Variants in DSG4 observed in about 807,000 individuals in gnomAD.
The protein encoded by DSG4 is desmoglein-4.
Under a neutral mutation model 93.1 loss-of-function variants are expected in DSG4, and 87 were observed. The observed-to-expected ratio is 0.93, with a 90% CI of 0.79 to 1.12. The LOEUF is 1.12. Ranked by LOEUF, DSG4 falls within the 50% of genes most tolerant of loss-of-function variation. DSG4 has a pLI of 0.00. For synonymous variants in DSG4, 432 were observed against 452.9 expected (o/e 0.95, Z 0.59); for missense variants, 1,373 against 1,285.7 (o/e 1.07, Z -1.04).
At chr18:31,405,985 T>A in intron 11 of DSG4, 92 bp from the exon 12 acceptor site, 1 of 1,447,706 alleles carries the variant, frequency 6.9e-7, no homozygotes, top group Non-Finnish European at 9.6e-7. Context: ...TCTAGTGTTT[T>A]AAGTCAATAT....
intron 7 of DSG4, among the ~76,000 whole-genome samples, chr18:31,391,676 AAAAAAACAAAAC>A (rs558774500): frequency 0.013 from 1,986 of 151,890 alleles, 51 homozygotes; most frequent in African/African-American, 0.046. Flanking sequence ...AAAAAAAAAC[AAAAAAACAAAAC>A]AAAAAACGTG....
At chr18:31,401,370 A>G (rs1483136459) in intron 10 of DSG4, among the ~76,000 whole-genome samples, 2 of 152,198 alleles carry the variant, frequency 1.3e-5, no homozygotes, top group South Asian at 2.1e-4. Context: ...CGTGCTCTAC[A>G]AAGTTCATTT....
intron 12 of DSG4, 85 bp from the exon 13 acceptor site, chr18:31,409,367 C>T: frequency 2.5e-6 from 4 of 1,601,374 alleles, no homozygotes; most frequent in Admixed American, 1.7e-5. Flanking sequence ...TATACTGCCA[C>T]CAAATGCTCC....
intron 3 of DSG4, among the ~76,000 whole-genome samples, chr18:31,387,962 C>T (rs973514908): frequency 5.9e-5 from 9 of 152,198 alleles, no homozygotes; most frequent in African/African-American, 2.2e-4. Context: ...ACCATTTTGA[C>T]TAAATCTCAG....
chr18:31,410,682 T>C (rs1388609278), intron 14 of DSG4, among the ~76,000 whole-genome samples: 1 of 152,188 alleles, frequency 6.6e-6, no homozygotes, highest in Non-Finnish European at 1.5e-5. Flanking sequence ...CTTAGCTATA[T>C]GGCAATGATT....
chr18:31,396,302 A>G (rs1054971785), intron 8 of DSG4, among the ~76,000 whole-genome samples: 6 of 150,806 alleles, frequency 4.0e-5, no homozygotes, highest in Non-Finnish European at 4.4e-5. Flanking sequence ...GAGGGTTCAC[A>G]TATATTATCT....
chr18:31,396,505 C>T (rs766962421), intron 8 of DSG4, among the ~76,000 whole-genome samples: 1 of 151,862 alleles, frequency 6.6e-6, no homozygotes, highest in Non-Finnish European at 1.5e-5. Flanking sequence ...CAGGCATGCG[C>T]CACCACACCC....
rs2144173577 is a variant in DSG4 at position 31,388,541 on chromosome 18, T to C, written c.372+19T>C. The C allele has an allele frequency of 1.7e-5, 28 of 1,612,832 alleles. No individual in the cohort carries two copies. Among genetic ancestry groups the C allele is most frequent in the Non-Finnish European group, 2.3e-5 (27 of 1,179,198 alleles). On this transcript the variant is annotated intron_variant, in intron 4 of 15. Transcript: ENST00000308128. ...TTTCTTGGTAAGTCATAGCCATATGTTTTGATTTGTTCATATTAGTTTTCT... is the reference window on the plus strand; with the variant it reads ...TTTCTTGGTAAGTCATAGCCATATGCTTTGATTTGTTCATATTAGTTTTCT...
At chr18:31,380,362 A>G (rs1401007738) in intron 1 of DSG4, among the ~76,000 whole-genome samples, 6 of 152,168 alleles carry the variant, frequency 3.9e-5, no homozygotes, top group Admixed American at 3.9e-4. Context: ...GGAGTTCCGT[A>G]TAGAGCAATG....
At chr18:31,401,433 C>A (rs2072364886) in intron 10 of DSG4, 1 of 155,492 alleles carries the variant, frequency 6.4e-6, no homozygotes. Flanking sequence ...TATTTTAGAT[C>A]CATTAAAACT....
chr18:31,380,186 C>A (rs2144156809), intron 1 of DSG4, among the ~76,000 whole-genome samples: 1 of 152,242 alleles, frequency 6.6e-6, no homozygotes, highest in East Asian at 1.9e-4. Context: ...TCAAGAATAT[C>A]TACCTATTGA....
chr18:31,378,187 T>C (rs2072097659), intron 1 of DSG4, among the ~76,000 whole-genome samples: 1 of 152,190 alleles, frequency 6.6e-6, no homozygotes, highest in Non-Finnish European at 1.5e-5. Context: ...TTTTGAAAAA[T>C]ATTTTTAAAC....
At chr18:31,406,545 T>C (rs2072429664) in intron 12 of DSG4, among the ~76,000 whole-genome samples, 172 bp downstream of exon 12, 1 of 152,112 alleles carries the variant, frequency 6.6e-6, no homozygotes, top group African/African-American at 2.4e-5. Context: ...TAATCCACAA[T>C]GATAACTAAG....
Position 31,409,547 on chromosome 18 carries a change from G to A in DSG4, c.2029G>A (p.Val677Met). 1 of 1,614,206 alleles carries A rather than the reference G, an allele frequency of 6.2e-7. No individual in the cohort carries two copies. The highest frequency in any genetic ancestry group is 8.5e-7 in the Non-Finnish European group (1 of 1,180,048). The change falls in exon 13 of 16, where the codon GTG becomes ATG. Residue 677 changes from valine (V) to methionine (M), a missense_variant. Transcript: ENST00000308128. ...FAPVPEGGEG[V>M]MQSWRIEGAH... Reference sequence around the variant, plus strand: ...TCCTGTGCCTGAGGGCGGAGAAGGAGTGATGCAGTCTTGGAGAATTGAAGG... The same window carrying A: ...TCCTGTGCCTGAGGGCGGAGAAGGAATGATGCAGTCTTGGAGAATTGAAGG...
chr18:31,407,817 G>C (rs186107015), intron 12 of DSG4, among the ~76,000 whole-genome samples: 1 of 152,294 alleles, frequency 6.6e-6, no homozygotes, highest in East Asian at 1.9e-4. Context: ...TAAGCTTTGA[G>C]TTAGCGGTTC....
intron 11 of DSG4, among the ~76,000 whole-genome samples, chr18:31,405,631 C>G (rs113755485): frequency 0.027 from 4,054 of 151,840 alleles, 178 homozygotes; most frequent in African/African-American, 0.092. Flanking sequence ...TGCTTGTAAT[C>G]CAAGCACTTT....
Position 31,392,341 on chromosome 18 carries a change from G to T in DSG4, c.1005+1G>T. On this transcript the variant is annotated splice_donor_variant, in intron 8 of 15. Transcript: ENST00000308128. LOFTEE classifies it high-confidence loss of function. ...TGAAGGCATTTTGAAAGTTGTCAAG[G>T]TACAGTATAAGGATCTGCAATATTT... is the stretch of plus-strand genomic sequence containing the variant. 1.2e-6 allele frequency: 2 copies of T among 1,613,360 alleles called. No individual in the cohort carries two copies. The highest frequency in any genetic ancestry group is 1.7e-5 in the Admixed American group (1 of 59,992).
At chr18:31,385,217 A>C in intron 2 of DSG4, 46 bp downstream of exon 2, 1 of 1,387,600 alleles carries the variant, frequency 7.2e-7, no homozygotes, top group Non-Finnish European at 1.0e-6. Flanking sequence ...TTAAAACAAA[A>C]ACTGAATTTT....
At chr18:31,409,948 T>C in intron 14 of DSG4, 140 bp downstream of exon 14, 1 of 952,134 alleles carries the variant, frequency 1.1e-6, no homozygotes, top group Non-Finnish European at 1.6e-6. Flanking sequence ...TGTGACCTGT[T>C]TGAAGTAGCC....
Sources: gnomAD v4.1 joint callset for allele counts (sites outside exome capture counted in the v4.1 genomes callset) on GRCh38, gnomAD v4.1.1 for gene constraint, MANE v1.5 for transcripts, NCBI Gene and HGNC (gene_info 2026-07-23, HGNC 2026-07-21) for gene names.